Variants in KPNA7 observed in about 807,000 individuals in gnomAD.
KPNA7 encodes the protein importin subunit alpha-8.
A neutral mutation model predicts 53.7 loss-of-function variants in KPNA7; 54 were observed. That is an observed-to-expected ratio of 1.01 (90% CI 0.81 to 1.26). The LOEUF (loss-of-function observed/expected upper bound fraction) is 1.26, where lower values mean the gene tolerates loss of function less well. Ranked by LOEUF, KPNA7 falls within the 50% of genes most tolerant of loss-of-function variation. KPNA7 has a pLI of 0.00. For synonymous variants in KPNA7, 276 were observed against 259.3 expected (o/e 1.06, Z -0.62); for missense variants, 640 against 644.5 (o/e 0.99, Z 0.07).
chr7:99,218,674 C>T (rs947144299), intron 1 of KPNA7, among the ~76,000 whole-genome samples: 32 of 152,338 alleles, frequency 2.1e-4, no homozygotes, highest in Admixed American at 1.5e-3. Flanking sequence ...TCTAAAGACA[C>T]TGGCTGATTT....
intron 7 of KPNA7, 29 bp downstream of exon 7, chr7:99,188,271 G>C (rs1376584475): frequency 2.0e-6 from 3 of 1,535,768 alleles, no homozygotes; most frequent in Non-Finnish European, 2.6e-6. Context: ...CCGAGGACTC[G>C]AATCCACAGG....
intron 1 of KPNA7, among the ~76,000 whole-genome samples, chr7:99,217,603 G>A (rs545124483): frequency 2.0e-5 from 3 of 146,704 alleles, no homozygotes; most frequent in Non-Finnish European, 4.5e-5. Context: ...GCCCAGGAAC[G>A]GGGACTCCAC....
chr7:99,205,220 G>A (rs1013785082), intron 2 of KPNA7, among the ~76,000 whole-genome samples: 5 of 149,794 alleles, frequency 3.3e-5, no homozygotes, highest in Admixed American at 6.7e-5. Flanking sequence ...TCAGAAGATC[G>A]AGACCATCCT....
chr7:99,216,719 G>A (rs540779374), intron 1 of KPNA7, among the ~76,000 whole-genome samples: 12 of 152,272 alleles, frequency 7.9e-5, no homozygotes, highest in African/African-American at 2.9e-4. Flanking sequence ...GCGCCACCAT[G>A]CCTAGCTAAT....
chr7:99,219,229 C>G (rs1791289174), intron 1 of KPNA7, among the ~76,000 whole-genome samples: 1 of 152,182 alleles, frequency 6.6e-6, no homozygotes, highest in African/African-American at 2.4e-5. Flanking sequence ...GCAGCTGTAG[C>G]ATTTTGAGGC....
At chr7:99,182,165 A>G in intron 8 of KPNA7, 100 bp from the exon 9 acceptor site, 1 of 823,114 alleles carries the variant, frequency 1.2e-6, no homozygotes. Context: ...GACAGCCAGG[A>G]CTGCATGTAC....
At chr7:99,204,600 G>C (rs1283153448) in intron 2 of KPNA7, among the ~76,000 whole-genome samples, 2 of 152,148 alleles carry the variant, frequency 1.3e-5, no homozygotes, top group Admixed American at 1.3e-4. Flanking sequence ...CATCAGCCGG[G>C]CACCGTGGCT....
chr7:99,147,804 T>A, the KPNA7 span, among the ~76,000 whole-genome samples: 158 of 1,896 alleles, frequency 0.083, no homozygotes, highest in African/African-American at 0.19. Flanking sequence ...AAAAAAAAAT[T>A]TTTTTTTTTG....
chr7:99,189,894 T>C (rs140327641), intron 6 of KPNA7, among the ~76,000 whole-genome samples: 2 of 152,128 alleles, frequency 1.3e-5, no homozygotes, highest in Admixed American at 6.6e-5. Flanking sequence ...CCTCCAGTTG[T>C]TCTTCAGGCC....
chr7:99,164,519 G>A, the KPNA7 span, among the ~76,000 whole-genome samples: 1 of 152,094 alleles, frequency 6.6e-6, no homozygotes, highest in Non-Finnish European at 1.5e-5. Flanking sequence ...GATAGCATTA[G>A]GAGGTATACC....
downstream of KPNA7, among the ~76,000 whole-genome samples, chr7:99,171,231 T>A (rs1019464965): frequency 3.9e-5 from 6 of 151,944 alleles, no homozygotes; most frequent in African/African-American, 1.2e-4. Context: ...AAAATAAAAA[T>A]AAAAAATAAA....
the KPNA7 span, among the ~76,000 whole-genome samples, chr7:99,161,520 G>A: frequency 3.3e-5 from 5 of 152,086 alleles, no homozygotes; most frequent in Admixed American, 2.0e-4. Flanking sequence ...CATCTAAATT[G>A]TCCCCCAGAT....
At chr7:99,167,143 ACG>A in the KPNA7 span, among the ~76,000 whole-genome samples, 1 of 152,202 alleles carries the variant, frequency 6.6e-6, no homozygotes, top group Non-Finnish European at 1.5e-5. Flanking sequence ...CGCTCCAGCC[ACG>A]GAGCCTGCTG....
chr7:99,160,037 T>TC, the KPNA7 span, among the ~76,000 whole-genome samples: 1 of 145,620 alleles, frequency 6.9e-6, no homozygotes, highest in African/African-American at 2.6e-5. Flanking sequence ...TTTTTTTTTT[T>TC]TTTTTGAGAC....
Position 99,181,131 on chromosome 7 carries a change from CCGTCTGTG to C in KPNA7, c.1317+744_1317+751del, listed in dbSNP as rs1197071377. On this transcript the variant is annotated intron_variant, in intron 9 of 10. Transcript: ENST00000327442. ...TCTCTCTCCGTCTGTGTCTCTCTCTCCGTCTGTGTCTCTCTCTCCGTCTGTGTCTCTCT... is the reference window on the plus strand; with the variant it reads ...TCTCTCTCCGTCTGTGTCTCTCTCTCTCTCTCTCTCCGTCTGTGTCTCTCT... Among the ~76,000 whole-genome samples, 13 of 41,208 alleles carry C rather than the reference CCGTCTGTG, an allele frequency of 3.2e-4. 1 individual carries two copies. Among genetic ancestry groups the C allele is most frequent in the African/African-American group, 7.6e-4 (11 of 14,554 alleles). The allele number at this position is 41,208 out of a possible 152,430, so 27.0% of individuals were successfully genotyped here. A position where few individuals can be genotyped will look rare whatever the true frequency, so the allele number is the denominator to read the frequency against.
chr7:99,166,194 C>T, the KPNA7 span, among the ~76,000 whole-genome samples: 1 of 152,108 alleles, frequency 6.6e-6, no homozygotes, highest in Non-Finnish European at 1.5e-5. Context: ...TTATTTATAG[C>T]AATGCCAAAA....
downstream of KPNA7, among the ~76,000 whole-genome samples, chr7:99,170,576 A>G (rs1798754503): frequency 6.6e-6 from 1 of 152,118 alleles, no homozygotes; most frequent in South Asian, 2.1e-4. Context: ...TCCTGGACTC[A>G]AGGGGTCCTC....
At chr7:99,159,660 T>C in the KPNA7 span, among the ~76,000 whole-genome samples, 3 of 152,180 alleles carry the variant, frequency 2.0e-5, no homozygotes, top group Non-Finnish European at 4.4e-5. Context: ...CATTCCGATT[T>C]CTCTAAAAGG....
intron 3 of KPNA7, among the ~76,000 whole-genome samples, chr7:99,198,682 G>A (rs1790352527): frequency 6.6e-6 from 1 of 152,054 alleles, no homozygotes; most frequent in South Asian, 2.1e-4. Context: ...ATACTTAATG[G>A]TGAAAGTCTA....
Sources: allele counts gnomAD v4.1 joint callset (sites outside exome capture counted in the v4.1 genomes callset), GRCh38; gene constraint gnomAD v4.1.1; transcripts MANE v1.5; gene names NCBI Gene and HGNC (gene_info 2026-07-23, HGNC 2026-07-21).